ARHGAP6: variants seen among roughly 807,000 people sequenced by gnomAD.
ARHGAP6 encodes Rho GTPase activating protein 6.
ARHGAP6 carries 16 observed loss-of-function variants against 55.7 expected under a neutral mutation model. The observed-to-expected ratio is 0.29, with a 90% CI of 0.19 to 0.44. The LOEUF (loss-of-function observed/expected upper bound fraction) is 0.44. Ranked by LOEUF, ARHGAP6 falls within the 20% of genes least tolerant of loss-of-function variation. The pLI is 1.00. For synonymous variants in ARHGAP6, 382 were observed against 360.9 expected, an observed-to-expected ratio of 1.06 and a Z score of -0.66; for missense variants, 698 against 808.9, an observed-to-expected ratio of 0.86 and a Z score of 1.66.
chrX:11,535,558 A>T (rs1455757966), intron 1 of ARHGAP6, among the ~76,000 whole-genome samples: 2 of 111,735 alleles, frequency 1.8e-5, no homozygotes, highest in Admixed American at 1.9e-4. Flanking sequence ...TCAATGATCA[A>T]CAGCTTTGAT....
chrX:11,182,039 A>G (rs774786283), intron 6 of ARHGAP6, 24 bp downstream of exon 6: 10 of 1,177,120 alleles, frequency 8.5e-6, no homozygotes, highest in African/African-American at 1.8e-5. Flanking sequence ...GTGAAACAAA[A>G]TATAATCTTT....
intron 1 of ARHGAP6, among the ~76,000 whole-genome samples, chrX:11,371,536 A>C (rs1261320822): frequency 8.9e-6 from 1 of 112,507 alleles, no homozygotes; most frequent in Non-Finnish European, 1.9e-5. Context: ...ATTCATAGAT[A>C]TCTTTAATAA....
chrX:11,355,194 T>G (rs1210866910), intron 1 of ARHGAP6, among the ~76,000 whole-genome samples: 1 of 111,365 alleles, frequency 9.0e-6, no homozygotes, highest in African/African-American at 3.3e-5. Flanking sequence ...GAAAAAAACT[T>G]TGGAATCCAA....
At chrX:11,472,817 T>A (rs2050361338) in intron 1 of ARHGAP6, among the ~76,000 whole-genome samples, 1 of 111,202 alleles carries the variant, frequency 9.0e-6, no homozygotes, top group Admixed American at 9.5e-5. Context: ...AGACTGGACA[T>A]GGACAACAAG....
At chrX:11,562,428 T>A (rs2051394027) in intron 1 of ARHGAP6, among the ~76,000 whole-genome samples, 1 of 111,742 alleles carries the variant, frequency 8.9e-6, no homozygotes, top group Non-Finnish European at 1.9e-5. Context: ...CCCATTAGCA[T>A]GTAATTGGTA....
intron 1 of ARHGAP6, among the ~76,000 whole-genome samples, chrX:11,609,227 G>A (rs911670067): frequency 1.7e-4 from 19 of 111,689 alleles, no homozygotes; most frequent in African/African-American, 6.2e-4. Flanking sequence ...GATGCAGGGA[G>A]TTTACATAGG....
chrX:11,325,734 T>A (rs774095519), intron 1 of ARHGAP6, among the ~76,000 whole-genome samples: 2 of 112,498 alleles, frequency 1.8e-5, no homozygotes, highest in South Asian at 7.3e-4. Flanking sequence ...TTAAAAGTAG[T>A]TATGCTATTT....
intron 1 of ARHGAP6, among the ~76,000 whole-genome samples, chrX:11,574,811 G>C (rs1209065874): frequency 9.2e-6 from 1 of 108,303 alleles, no homozygotes; most frequent in Non-Finnish European, 1.9e-5. Flanking sequence ...TGACATGATT[G>C]TACATCTAGA....
In ARHGAP6 at chrX:11,396,654, G is replaced by A. The variant is rs759354785; in HGVS notation, c.589-141947C>T. On this transcript the variant is annotated intron_variant, in intron 1 of 12. Transcript: ENST00000337414. ...AAGGTAACATACTGTGCACATGCAA[G>A]CCTGTTTAAAAACAGTTCTGGAATG... 5.4e-5 allele frequency among the ~76,000 whole-genome samples: 6 copies of A among 111,475 alleles called. No homozygotes were observed. The East Asian group carries it at 1.7e-3, about 31-fold the overall frequency.
At chrX:11,421,920 A>C (rs184005303) in intron 1 of ARHGAP6, among the ~76,000 whole-genome samples, 1 of 111,910 alleles carries the variant, frequency 8.9e-6, no homozygotes, top group Non-Finnish European at 1.9e-5. Flanking sequence ...ATAAAGGGTT[A>C]AGTTTGGAAA....
chrX:11,210,609 T>C (rs1466157925), intron 2 of ARHGAP6, among the ~76,000 whole-genome samples: 1 of 112,480 alleles, frequency 8.9e-6, no homozygotes, highest in East Asian at 2.8e-4. Flanking sequence ...ATTTATTTTG[T>C]TACAGCATCT....
intron 10 of ARHGAP6, among the ~76,000 whole-genome samples, chrX:11,146,396 G>A (rs1225756162): frequency 9.0e-6 from 1 of 111,730 alleles, no homozygotes; most frequent in Non-Finnish European, 1.9e-5. Context: ...AGTAGACACA[G>A]GCTCTGAACC....
intron 1 of ARHGAP6, among the ~76,000 whole-genome samples, chrX:11,614,213 C>G (rs931079324): frequency 8.9e-6 from 1 of 112,060 alleles, no homozygotes; most frequent in African/African-American, 3.2e-5. Flanking sequence ...CTCCAGCCTT[C>G]TCCCCCAAGT....
At chrX:11,293,854 AC>A (rs1369390572) in intron 1 of ARHGAP6, among the ~76,000 whole-genome samples, 1 of 112,478 alleles carries the variant, frequency 8.9e-6, no homozygotes, top group Non-Finnish European at 1.9e-5. Context: ...AAACAAACAA[AC>A]AAAAAACAAA....
chrX:11,385,963 C>G (rs745608254), intron 1 of ARHGAP6, among the ~76,000 whole-genome samples: 1 of 112,395 alleles, frequency 8.9e-6, no homozygotes, highest in Non-Finnish European at 1.9e-5. Context: ...AACCCACAAG[C>G]AAAAGCTAAG....
intron 1 of ARHGAP6, among the ~76,000 whole-genome samples, chrX:11,531,879 G>A (rs1262046585): frequency 1.8e-5 from 2 of 112,301 alleles, no homozygotes; most frequent in Non-Finnish European, 3.8e-5. Flanking sequence ...CTCAAAGTGT[G>A]TTCCACAGTC....
At chrX:11,654,677 C>T (rs1224505430) in intron 1 of ARHGAP6, among the ~76,000 whole-genome samples, 6 of 111,456 alleles carry the variant, frequency 5.4e-5, no homozygotes, top group African/African-American at 1.3e-4. Context: ...ATCAGGACAT[C>T]GAATTTCCAC....
chrX:11,520,538 C>T (rs2050911546), intron 1 of ARHGAP6, among the ~76,000 whole-genome samples: 1 of 110,703 alleles, frequency 9.0e-6, no homozygotes, highest in Non-Finnish European at 1.9e-5. Flanking sequence ...ATATGTGCCA[C>T]ATTTTCTTAA....
intron 1 of ARHGAP6, among the ~76,000 whole-genome samples, chrX:11,357,475 T>A (rs1446442183): frequency 1.8e-5 from 2 of 111,546 alleles, no homozygotes; most frequent in Admixed American, 1.9e-4. Flanking sequence ...GGGATGGGGT[T>A]AGGGAAACTT....
Sources: allele counts gnomAD v4.1 joint callset (sites outside exome capture counted in the v4.1 genomes callset), GRCh38; gene constraint gnomAD v4.1.1; transcripts MANE v1.5; gene names NCBI Gene and HGNC (gene_info 2026-07-23, HGNC 2026-07-21).